FSIP1: variants seen among roughly 807,000 people sequenced by gnomAD.
The protein encoded by FSIP1 is fibrous sheath interacting protein 1, also known as fibrous sheath-interacting protein 1.
In FSIP1, 65 loss-of-function variants were observed where a neutral mutation model predicts 60.9. The observed-to-expected ratio is 1.07, with a 90% CI of 0.87 to 1.31. The LOEUF (loss-of-function observed/expected upper bound fraction) is 1.31, where lower values mean the gene tolerates loss of function less well. Among genes scored for constraint, FSIP1 ranks in the 40% most tolerant of loss-of-function variants. The pLI is 0.00. For synonymous variants in FSIP1, 209 were observed against 221.2 expected (o/e 0.94, Z 0.49); for missense variants, 675 against 665.5 (o/e 1.01, Z -0.16).
At chr15:39,764,297 T>G (rs552812713) in intron 4 of FSIP1, among the ~76,000 whole-genome samples, 1 of 152,344 alleles carries the variant, frequency 6.6e-6, no homozygotes, top group South Asian at 2.1e-4. Flanking sequence ...AAATAAAAAC[T>G]TGCTTGAGAT....
intron 9 of FSIP1, among the ~76,000 whole-genome samples, chr15:39,714,012 G>A (rs1172244032): frequency 2.0e-5 from 3 of 152,196 alleles, no homozygotes; most frequent in Admixed American, 2.0e-4. Flanking sequence ...GATTTGGCAA[G>A]GTCAGGAGTT....
At chr15:39,645,744 C>T (rs1420116246) in intron 10 of FSIP1, among the ~76,000 whole-genome samples, 1 of 152,156 alleles carries the variant, frequency 6.6e-6, no homozygotes, top group African/African-American at 2.4e-5. Flanking sequence ...GTTCCCTGCC[C>T]CTGTCCCTGA....
At chr15:39,720,484 A>C (rs1028975789) in intron 9 of FSIP1, among the ~76,000 whole-genome samples, 2 of 152,204 alleles carry the variant, frequency 1.3e-5, no homozygotes, top group Non-Finnish European at 2.9e-5. Flanking sequence ...GCCATTTCTG[A>C]GGCCCTCCCC....
chr15:39,722,673 T>G (rs1340751369), intron 9 of FSIP1, among the ~76,000 whole-genome samples: 1 of 152,124 alleles, frequency 6.6e-6, no homozygotes, highest in African/African-American at 2.4e-5. Context: ...GAGCCTTCTA[T>G]GAATCTGGGC....
At chr15:39,776,303 A>C (rs1898062012) in intron 2 of FSIP1, 96 bp downstream of exon 2, 1 of 1,200,988 alleles carries the variant, frequency 8.3e-7, no homozygotes, top group African/African-American at 1.5e-5. Context: ...CCGTCTAAGG[A>C]GAAAATTTAA....
intron 10 of FSIP1, among the ~76,000 whole-genome samples, chr15:39,675,855 C>T (rs1893915703): frequency 1.3e-5 from 2 of 152,006 alleles, no homozygotes; most frequent in African/African-American, 4.8e-5. Context: ...GTAGATATTA[C>T]ACCCTCTCTC....
At chr15:39,628,825 T>A (rs1488321491) in intron 10 of FSIP1, among the ~76,000 whole-genome samples, 2 of 152,192 alleles carry the variant, frequency 1.3e-5, no homozygotes, top group Non-Finnish European at 2.9e-5. Flanking sequence ...AGATTTCTAG[T>A]CAGTAGAGTA....
intron 10 of FSIP1, among the ~76,000 whole-genome samples, chr15:39,647,072 T>C (rs918237470): frequency 5.3e-5 from 8 of 152,158 alleles, no homozygotes; most frequent in African/African-American, 1.2e-4. Context: ...CCAGGGGTGA[T>C]AGAAGTAGTT....
At chr15:39,716,440 A>G (rs904441994) in intron 9 of FSIP1, among the ~76,000 whole-genome samples, 1 of 152,228 alleles carries the variant, frequency 6.6e-6, no homozygotes, top group East Asian at 1.9e-4. Flanking sequence ...AGAGAAAATG[A>G]TCATAACACA....
chr15:39,648,010 G>T (rs1892692208), intron 10 of FSIP1, among the ~76,000 whole-genome samples: 1 of 149,880 alleles, frequency 6.7e-6, no homozygotes, highest in African/African-American at 2.5e-5. Context: ...ACACTCTGGG[G>T]ACTGTGGTGG....
At chr15:39,781,992 A>G (rs1307132121) in intron 1 of FSIP1, among the ~76,000 whole-genome samples, 1 of 152,242 alleles carries the variant, frequency 6.6e-6, no homozygotes, top group East Asian at 1.9e-4. Flanking sequence ...AAGTTAATAT[A>G]TTTGTGCCAA....
intron 5 of FSIP1, 32 bp downstream of exon 5, chr15:39,763,789 A>G: frequency 9.0e-7 from 1 of 1,109,806 alleles, no homozygotes; most frequent in Non-Finnish European, 1.4e-6. Context: ...CTCAGATAAA[A>G]ACAAAGTTGA....
Position 39,717,497 on chromosome 15 carries a change from C to T in FSIP1, c.1051-3916G>A, listed in dbSNP as rs140743915. ...GTTTTCTTAGATTCAACTGCATATT[C>T]ATGCTCAAAGACTAACAGAGGACAC... is the stretch of plus-strand genomic sequence containing the variant. On this transcript the variant is annotated intron_variant, in intron 9 of 11. Transcript: ENST00000350221. Among the ~76,000 whole-genome samples the T allele has an allele frequency of 1.2e-3, 181 of 152,290 alleles. 1 individual carries two copies. The highest frequency in any genetic ancestry group is 4.2e-3 in the African/African-American group (174 of 41,552).
At chr15:39,742,746 A>T (rs1430038653) in intron 5 of FSIP1, among the ~76,000 whole-genome samples, 2 of 152,136 alleles carry the variant, frequency 1.3e-5, no homozygotes, top group African/African-American at 4.8e-5. Flanking sequence ...ACACACATTC[A>T]CCTAATTCAA....
At chr15:39,744,309 G>C (rs535358357) in intron 5 of FSIP1, among the ~76,000 whole-genome samples, 15 of 152,222 alleles carry the variant, frequency 9.9e-5, no homozygotes, top group African/African-American at 3.4e-4. Flanking sequence ...TCTCCCTTTA[G>C]AGATCATGAG....
At chr15:39,769,581 C>T (rs1369595431) in intron 3 of FSIP1, among the ~76,000 whole-genome samples, 1 of 152,214 alleles carries the variant, frequency 6.6e-6, no homozygotes. Flanking sequence ...TTCAACACAA[C>T]CTCAAACTTC....
chr15:39,662,507 C>T (rs1054435321), intron 10 of FSIP1, among the ~76,000 whole-genome samples: 30 of 152,098 alleles, frequency 2.0e-4, no homozygotes, highest in African/African-American at 7.2e-4. Flanking sequence ...TATGTAGTCA[C>T]AGGCCCTGCA....
At chr15:39,600,997 A>T in intron 11 of FSIP1, 71 bp from the exon 12 acceptor site, 1 of 1,212,038 alleles carries the variant, frequency 8.3e-7, no homozygotes, top group Non-Finnish European at 1.2e-6. Context: ...AAAACAACTC[A>T]GCCTATAAAA....
intron 7 of FSIP1, 43 bp from the exon 8 acceptor site, chr15:39,738,244 T>C: frequency 1.6e-6 from 2 of 1,289,430 alleles, no homozygotes; most frequent in Non-Finnish European, 2.2e-6. Flanking sequence ...CTCAAGGAAA[T>C]TCACAGTTCA....
Sources: allele counts gnomAD v4.1 joint callset (sites outside exome capture counted in the v4.1 genomes callset), GRCh38; gene constraint gnomAD v4.1.1; transcripts MANE v1.5; gene names NCBI Gene and HGNC (gene_info 2026-07-23, HGNC 2026-07-21).